The following SHC4 variants were observed in gnomAD, a reference collection of about 807,000 sequenced individuals.
SHC4 encodes the protein SHC adaptor protein 4, also known as SHC-transforming protein 4.
A neutral mutation model predicts 69.4 loss-of-function variants in SHC4; 41 were observed. That is an observed-to-expected ratio of 0.59 (90% CI 0.46 to 0.77). SHC4 has a LOEUF of 0.77. Ranked by LOEUF, SHC4 falls within the 30% of genes least tolerant of loss-of-function variation. SHC4 has a pLI of 0.00. For synonymous variants in SHC4, 318 were observed against 299.3 expected, an observed-to-expected ratio of 1.06 and a Z score of -0.64; for missense variants, 777 against 783.8, an observed-to-expected ratio of 0.99 and a Z score of 0.10.
Position 48,851,290 on chromosome 15 carries a change from C to G in SHC4, c.1243-42G>C, listed in dbSNP as rs769820139. The G allele has an allele frequency of 1.3e-6, 2 of 1,596,688 alleles. 1 individual carries two copies. The highest frequency in any genetic ancestry group is 4.5e-5 in the East Asian group (2 of 44,686). On this transcript the variant is annotated intron_variant, in intron 8 of 11. Coordinates refer to ENST00000332408, the MANE Select transcript of SHC4 (RefSeq NM_203349.4). ...TTATGAAACATTTACAAACATAGTA[C>G]ACATTCATAAACTTAAAAGAAAAAA...
chr15:48,908,305 T>C lies in SHC4; in HGVS notation c.656+16574A>G, dbSNP rs560490838. 4.6e-5 allele frequency among the ~76,000 whole-genome samples: 7 copies of C among 152,306 alleles called. No individual in the cohort carries two copies. The East Asian group carries it at 1.3e-3, about 29-fold the overall frequency. On this transcript the variant is annotated intron_variant, in intron 2 of 11. Transcript: ENST00000332408. The stretch of plus-strand genomic sequence containing the variant: ...TGCATTTCCCTGATCATTAGTGATG[T>C]TGAGCATTTTTTCATATGTTTGTTG...
chr15:48,954,217 C>T (rs1003824472), intron 1 of SHC4, among the ~76,000 whole-genome samples: 1 of 152,176 alleles, frequency 6.6e-6, no homozygotes, highest in African/African-American at 2.4e-5. Context: ...CAGTAGCATT[C>T]ACCTCCCCTC....
At chr15:48,862,740 C>T (rs1733222165) in intron 6 of SHC4, among the ~76,000 whole-genome samples, 1 of 152,202 alleles carries the variant, frequency 6.6e-6, no homozygotes, top group Non-Finnish European at 1.5e-5. Flanking sequence ...TTCCCACCCT[C>T]ATGCCCCTTA....
chr15:48,951,169 G>C (rs1283623788), intron 1 of SHC4, among the ~76,000 whole-genome samples: 3 of 151,908 alleles, frequency 2.0e-5, no homozygotes, highest in African/African-American at 7.3e-5. Flanking sequence ...TTTTTTGCTG[G>C]AGATTTCCAC....
intron 9 of SHC4, 57 bp downstream of exon 9, chr15:48,851,131 C>T (rs1449798408): frequency 3.9e-5 from 60 of 1,554,168 alleles, no homozygotes; most frequent in Non-Finnish European, 4.9e-5. Context: ...CCACATATGT[C>T]CATAGGACTT....
At chr15:48,845,070 A>G (rs570283264) in intron 9 of SHC4, among the ~76,000 whole-genome samples, 1 of 152,342 alleles carries the variant, frequency 6.6e-6, no homozygotes, top group African/African-American at 2.4e-5. Flanking sequence ...CCATATAGCT[A>G]GCCATATGTG....
intron 11 of SHC4, among the ~76,000 whole-genome samples, chr15:48,832,409 A>G (rs997674739): frequency 1.2e-4 from 18 of 152,208 alleles, no homozygotes; most frequent in Non-Finnish European, 4.4e-5. Context: ...ATGTGCTGAT[A>G]GTCTTATGGA....
In SHC4 at chr15:48,884,367, G is replaced by T; in HGVS notation, c.721C>A (p.Pro241Thr). 1 of 1,573,252 alleles carries T rather than the reference G, an allele frequency of 6.4e-7. No homozygotes were observed. Among genetic ancestry groups the T allele is most frequent in the Non-Finnish European group, 8.6e-7 (1 of 1,166,538 alleles). ...GANGAIKKRK[P>T]PVKFLSTVLG... is the part of the protein sequence containing the mutation. ...ACTGTTGATAGGAACTTAACTGGAG[G>T]CTTTAAAAATTAAAGAAGAAAAACA... is the stretch of plus-strand genomic sequence containing the variant. The change falls in exon 4 of 12, where the codon CCT (proline) becomes ACT (threonine). Residue 241 changes from proline to threonine, a missense_variant and splice_region_variant. Coordinates refer to ENST00000332408, the MANE Select transcript of SHC4 (RefSeq NM_203349.4).
chr15:48,904,889 G>A (rs1288092119), intron 2 of SHC4, among the ~76,000 whole-genome samples: 10 of 150,906 alleles, frequency 6.6e-5, no homozygotes, highest in South Asian at 4.2e-4. Flanking sequence ...TACAGTATGA[G>A]ATCCTGTCTC....
chr15:48,825,890 C>T lies in SHC4; in HGVS notation c.*81G>A, dbSNP rs3743292. On this transcript the variant is annotated 3_prime_UTR_variant, in exon 12 of 12. Coordinates refer to ENST00000332408, the MANE Select transcript of SHC4 (RefSeq NM_203349.4). ...CACAGTTTGTGCTCTATTTTATCTA[C>T]AAACAAAGTTTAAATTATCTTTGTG... 0.42 allele frequency: 638,388 copies of T among 1,503,108 alleles called. 139,763 individuals carry two copies. Among genetic ancestry groups the T allele is most frequent in the Middle Eastern group, 0.47 (2,637 of 5,614 alleles). 93.1% of individuals were successfully genotyped at this position (1,503,108 alleles called of 1,614,324 possible).
At chr15:48,876,526 AG>A (rs1274369145) in intron 4 of SHC4, 3 of 619,626 alleles carry the variant, frequency 4.8e-6, no homozygotes, top group Admixed American at 5.1e-5. Context: ...TGTAAAGGGG[AG>A]TTCACTAAGT....
rs1362497799 is a variant in SHC4 at position 48,916,199 on chromosome 15, T to C, written c.656+8680A>G. 2.6e-5 allele frequency among the ~76,000 whole-genome samples: 4 copies of C among 152,248 alleles called. No individual in the cohort carries two copies. In the South Asian group the frequency reaches 6.2e-4, roughly 24 times the overall value. On this transcript the variant is annotated intron_variant, in intron 2 of 11. Transcript: ENST00000332408. The stretch of plus-strand genomic sequence containing the variant: ...CTTTTCCTTCTAGAGTTGACGTTTA[T>C]TGAAAACCACATGTACAGGACTTTA...
chr15:48,826,390 A>G (rs1483722883), intron 11 of SHC4, among the ~76,000 whole-genome samples: 1 of 151,956 alleles, frequency 6.6e-6, no homozygotes, highest in African/African-American at 2.4e-5. Flanking sequence ...CTGGGACTAC[A>G]GGCACGTGCC....
At chr15:48,870,756 T>C (rs10519193) in intron 5 of SHC4, among the ~76,000 whole-genome samples, 90,432 of 152,080 alleles carry the variant, frequency 0.59, 28,893 homozygotes, top group Middle Eastern at 0.79. Context: ...GACAAGTAAT[T>C]ATTGAAGTGT....
At chr15:48,865,640 T>A (rs1330061110) in intron 6 of SHC4, among the ~76,000 whole-genome samples, 1 of 152,228 alleles carries the variant, frequency 6.6e-6, no homozygotes, top group East Asian at 1.9e-4. Flanking sequence ...CAACCCAGTC[T>A]TTCTGACTCC....
chr15:48,891,724 A>G (rs1318790230), intron 2 of SHC4, among the ~76,000 whole-genome samples: 1 of 152,220 alleles, frequency 6.6e-6, no homozygotes, highest in Non-Finnish European at 1.5e-5. Flanking sequence ...ATACACATAC[A>G]CATGCAACAT....
intron 9 of SHC4, among the ~76,000 whole-genome samples, chr15:48,848,721 T>C (rs1364035871): frequency 6.6e-6 from 1 of 152,180 alleles, no homozygotes; most frequent in East Asian, 1.9e-4. Flanking sequence ...ACTAAGATAA[T>C]CTGCAAGACT....
At chr15:48,862,756 T>G (rs548598417) in intron 6 of SHC4, among the ~76,000 whole-genome samples, 199 of 152,310 alleles carry the variant, frequency 1.3e-3, no homozygotes, top group Non-Finnish European at 2.1e-3. Context: ...CCTTAACTCC[T>G]TTTCAGTGTG....
chr15:48,867,388 G>A (rs1409443316), intron 6 of SHC4, among the ~76,000 whole-genome samples: 1 of 152,160 alleles, frequency 6.6e-6, no homozygotes, highest in African/African-American at 2.4e-5. Flanking sequence ...AGCATTCAAA[G>A]AGATAATACA....
Sources: gnomAD v4.1 joint callset for allele counts (sites outside exome capture counted in the v4.1 genomes callset) on GRCh38, gnomAD v4.1.1 for gene constraint, MANE v1.5 for transcripts, NCBI Gene and HGNC (gene_info 2026-07-23, HGNC 2026-07-21) for gene names.